Variants in SORCS3 observed in about 807,000 individuals in gnomAD.
SORCS3 encodes the protein VPS10 domain-containing receptor SorCS3.
In SORCS3, 57 loss-of-function variants were observed where a neutral mutation model predicts 146.3. That is an observed-to-expected ratio of 0.39 (90% CI 0.31 to 0.49). The LOEUF is 0.49. Among genes scored for constraint, SORCS3 ranks in the 20% least tolerant of loss-of-function variants. The pLI, the probability that SORCS3 is intolerant of heterozygous loss-of-function variation, is 0.92. For missense variants in SORCS3, 1,341 were observed against 1,575.5 expected (o/e 0.85, Z 2.52); for synonymous variants, 653 against 618.5 (o/e 1.06, Z -0.83).
chr10:105,089,387 G>A (rs139454603), intron 5 of SORCS3, among the ~76,000 whole-genome samples: 9 of 152,310 alleles, frequency 5.9e-5, no homozygotes, highest in African/African-American at 2.2e-4. Flanking sequence ...GGAGGAAGTG[G>A]TGGAAGGAGT....
chr10:104,804,504 C>T (rs1232639596), intron 1 of SORCS3, among the ~76,000 whole-genome samples: 1 of 152,018 alleles, frequency 6.6e-6, no homozygotes, highest in East Asian at 1.9e-4. Flanking sequence ...CACAGTAGTC[C>T]TGGGAGTAGG....
At chr10:105,131,742 A>G (rs2056020641) in intron 7 of SORCS3, among the ~76,000 whole-genome samples, 1 of 152,160 alleles carries the variant, frequency 6.6e-6, no homozygotes, top group South Asian at 2.1e-4. Context: ...CGGAAGGTAA[A>G]GGAGGAGCAG....
In SORCS3 at chr10:104,823,535, C is replaced by T. The variant is rs930547528; in HGVS notation, c.628-19257C>T. On this transcript the variant is annotated intron_variant, in intron 1 of 26. Coordinates refer to ENST00000369701, the MANE Select transcript of SORCS3 (RefSeq NM_014978.3). ...CCTACCTCTTATGTTTGGACCATTG[C>T]AGTATCCTTCTCACTAGGCTTTCTG... Among the ~76,000 whole-genome samples, 9 of 152,138 alleles carry T rather than the reference C, an allele frequency of 5.9e-5. No individual in the cohort carries two copies. In the East Asian group the frequency reaches 1.5e-3, roughly 26 times the overall value.
chr10:104,985,264 A>G (rs115762886), intron 4 of SORCS3, among the ~76,000 whole-genome samples: 5,084 of 152,256 alleles, frequency 0.033, 230 homozygotes, highest in African/African-American at 0.11. Context: ...CATCTTTACT[A>G]AGAGTAGATT....
At chr10:104,790,421 T>C (rs2017483428) in intron 1 of SORCS3, among the ~76,000 whole-genome samples, 1 of 152,152 alleles carries the variant, frequency 6.6e-6, no homozygotes. Context: ...GCAGAAAACC[T>C]TCTGGTCCTG....
chr10:105,015,053 G>A (rs2055157197), intron 4 of SORCS3, among the ~76,000 whole-genome samples: 1 of 152,168 alleles, frequency 6.6e-6, no homozygotes, highest in African/African-American at 2.4e-5. Context: ...AGTAATCAAT[G>A]CAATGCAAAT....
At chr10:104,757,153 C>T (rs1488748777) in intron 1 of SORCS3, among the ~76,000 whole-genome samples, 2 of 149,762 alleles carry the variant, frequency 1.3e-5, no homozygotes, top group East Asian at 2.0e-4. Context: ...CCAGAGGCCC[C>T]CTGACCCAAA....
rs1459872982 is a variant in SORCS3 at position 105,245,659 on chromosome 10, G to A, written c.2986G>A (p.Val996Ile). 3 of 1,613,866 alleles carry A rather than the reference G, an allele frequency of 1.9e-6. No homozygotes were observed. Among genetic ancestry groups the A allele is most frequent in the East Asian group, 4.5e-5 (2 of 44,874 alleles). The change falls in exon 21 of 27, where the codon GTT becomes ATT. Residue 996 changes from valine (V) to isoleucine (I), a missense_variant. By Grantham distance (29) the Val-to-Ile change is conservative. Transcript: ENST00000369701. ...CATCCAGGACACAAAAGAGATTGCA[G>A]TTCATGGTAAGCCCTGAAAATTGTT... ...ALIQDTKEIA[V>I]HEYFQSQLLS...
chr10:104,650,739 T>C (rs1589446801), intron 1 of SORCS3, among the ~76,000 whole-genome samples: 1 of 152,134 alleles, frequency 6.6e-6, no homozygotes, highest in East Asian at 1.9e-4. Context: ...AGAACAAGTG[T>C]CTTGGGGATG....
Position 105,051,964 on chromosome 10 carries a change from T to C in SORCS3, c.1028+8836T>C, listed in dbSNP as rs75773362. Among the ~76,000 whole-genome samples, 336 of 152,292 alleles carry C rather than the reference T, an allele frequency of 2.2e-3. 2 individuals carry two copies. Among genetic ancestry groups the C allele is most frequent in the African/African-American group, 7.4e-3 (306 of 41,576 alleles). ...GGGGCTACCCATGCTGTATGTCTGGTTGCATCTTGGCTGTGGAAGAGCTGT... is the reference window on the plus strand; with the variant it reads ...GGGGCTACCCATGCTGTATGTCTGGCTGCATCTTGGCTGTGGAAGAGCTGT... On this transcript the variant is annotated intron_variant, in intron 5 of 26. Coordinates refer to ENST00000369701, the MANE Select transcript of SORCS3 (RefSeq NM_014978.3).
intron 2 of SORCS3, among the ~76,000 whole-genome samples, chr10:104,851,242 T>G (rs1485233085): frequency 6.6e-6 from 1 of 152,196 alleles, no homozygotes; most frequent in Admixed American, 6.5e-5. Flanking sequence ...TTATGCCTCT[T>G]TTTTCTTCCA....
At chr10:105,241,571 A>C (rs750978094) in intron 20 of SORCS3, among the ~76,000 whole-genome samples, 1 of 152,070 alleles carries the variant, frequency 6.6e-6, no homozygotes, top group Non-Finnish European at 1.5e-5. Context: ...TGGGTCCTGA[A>C]CTCTTGTCTG....
Position 104,887,961 on chromosome 10 carries a change from G to GT in SORCS3, c.696-27872_696-27871insT. 1.6e-5 allele frequency among the ~76,000 whole-genome samples: 2 copies of GT among 126,982 alleles called. 1 individual carries two copies. The highest frequency in any genetic ancestry group is 5.6e-4 in the South Asian group (2 of 3,584). 83.3% of individuals were successfully genotyped at this position (126,982 alleles called of 152,430 possible). A position where few individuals can be genotyped will look rare whatever the true frequency, so the allele number is the denominator to read the frequency against. On this transcript the variant is annotated intron_variant, in intron 2 of 26. Transcript: ENST00000369701. ...CCTTCCCAGCAACATGGTGGGGGCG[G>GT]GGGGGCGGGGGCGGAGCAAGCCCAT...
intron 14 of SORCS3, among the ~76,000 whole-genome samples, chr10:105,196,162 A>G (rs1427071786): frequency 6.6e-6 from 1 of 152,204 alleles, no homozygotes; most frequent in Non-Finnish European, 1.5e-5. Context: ...AACAACATGG[A>G]CATTCTTTGA....
chr10:104,785,248 T>C (rs1291410943), intron 1 of SORCS3, among the ~76,000 whole-genome samples: 2 of 148,426 alleles, frequency 1.3e-5, no homozygotes, highest in African/African-American at 5.0e-5. Context: ...GAAAAATTCC[T>C]CTGCCTTGGG....
chr10:104,879,403 G>C (rs1217384954), intron 2 of SORCS3, among the ~76,000 whole-genome samples: 2 of 152,072 alleles, frequency 1.3e-5, no homozygotes, highest in East Asian at 3.9e-4. Context: ...CTGACCCACT[G>C]CAGCTGAAAA....
chr10:104,676,266 TA>T (rs2015911895), intron 1 of SORCS3, among the ~76,000 whole-genome samples: 1 of 152,210 alleles, frequency 6.6e-6, no homozygotes, highest in Non-Finnish European at 1.5e-5. Context: ...GTGGTAGACA[TA>T]ATTCTCTTGT....
At chr10:105,122,241 C>G (rs190862710) in intron 7 of SORCS3, among the ~76,000 whole-genome samples, 108 of 152,302 alleles carry the variant, frequency 7.1e-4, no homozygotes, top group Admixed American at 1.7e-3. Flanking sequence ...TTCAGAGTTT[C>G]AGCTTTAAAA....
intron 1 of SORCS3, among the ~76,000 whole-genome samples, chr10:104,786,400 T>A (rs1176749122): frequency 6.6e-6 from 1 of 151,682 alleles, no homozygotes; most frequent in Non-Finnish European, 1.5e-5. Flanking sequence ...TACAAAAAAT[T>A]AGCCAGGTGT....
Sources: allele counts gnomAD v4.1 joint callset (sites outside exome capture counted in the v4.1 genomes callset), GRCh38; gene constraint gnomAD v4.1.1; transcripts MANE v1.5; gene names NCBI Gene and HGNC (gene_info 2026-07-23, HGNC 2026-07-21).